Variants in SRC observed in about 807,000 individuals in gnomAD.
SRC encodes the protein proto-oncogene tyrosine-protein kinase Src.
Under a neutral mutation model 62.9 loss-of-function variants are expected in SRC, and 13 were observed. The ratio of observed to expected loss-of-function variants is 0.21; its 90% CI spans 0.13 to 0.33. SRC has a LOEUF of 0.33. Among genes scored for constraint, SRC ranks in the 10% least tolerant of loss-of-function variants. The pLI, the probability that SRC is intolerant of heterozygous loss-of-function variation, is 1.00. For missense variants in SRC, 457 were observed against 737.3 expected (o/e 0.62, Z 4.40); for synonymous variants, 302 against 317.5 (o/e 0.95, Z 0.52).
intron 5 of SRC, chr20:37,386,508 G>A: frequency 1.4e-6 from 1 of 712,960 alleles, no homozygotes; most frequent in Non-Finnish European, 2.6e-6. Context: ...CGGCGGGCTG[G>A]GCGGGGTGCT....
rs1332027803 is a variant in SRC at position 37,403,936 on chromosome 20, G to C, written c.*557G>C. The stretch of plus-strand genomic sequence containing the variant: ...TCCAGGCTGGGCAGCACAAGGCCTT[G>C]CCTGGCCTGATGATGGTGGGTGGGT... On this transcript the variant is annotated 3_prime_UTR_variant, in exon 14 of 14. Transcript: ENST00000373578. The surrounding 1 kb of genome is among the most constrained non-coding windows in gnomAD (Gnocchi z 7.1). 1 of 240,224 alleles carries C rather than the reference G, an allele frequency of 4.2e-6. No homozygotes were observed. Among genetic ancestry groups the C allele is most frequent in the African/African-American group, 2.2e-5 (1 of 45,450 alleles). The allele number at this position is 240,224 out of a possible 1,614,324, so 14.9% of individuals were successfully genotyped here.
chr20:37,366,471 TA>T (rs1218707489), intron 2 of SRC, among the ~76,000 whole-genome samples: 1 of 152,252 alleles, frequency 6.6e-6, no homozygotes, highest in Non-Finnish European at 1.5e-5. Flanking sequence ...CAGTCAAATT[TA>T]GAACATTTTC....
chr20:37,355,670 T>C (rs1037312080), intron 1 of SRC, among the ~76,000 whole-genome samples: 18 of 152,126 alleles, frequency 1.2e-4, no homozygotes, highest in African/African-American at 4.1e-4. Flanking sequence ...ATATGAACTA[T>C]GGCAACCCAG....
intron 7 of SRC, 95 bp downstream of exon 7, chr20:37,394,372 A>T: frequency 8.9e-7 from 1 of 1,129,928 alleles, no homozygotes; most frequent in East Asian, 2.4e-5. Context: ...TTTGTGGAGT[A>T]GGGAGGGAAG....
Position 37,401,511 on chromosome 20 carries a change from G to A in SRC, c.1040-91G>A, listed in dbSNP as rs911434832. On this transcript the variant is annotated intron_variant, in intron 10 of 13. Transcript: ENST00000373578. ...AAATCTGCTGTGCTGGTTAAAGCAA[G>A]GCCAGCCACCTGGGAGGATGGGTTT... The A allele has an allele frequency of 1.6e-5, 16 of 984,590 alleles. No homozygotes were observed. In the African/African-American group the frequency reaches 1.6e-4, roughly 10 times the overall value. 61.0% of individuals were successfully genotyped at this position (984,590 alleles called of 1,614,324 possible).
intron 2 of SRC, among the ~76,000 whole-genome samples, chr20:37,370,096 G>C (rs2070138359): frequency 6.6e-6 from 1 of 152,134 alleles, no homozygotes; most frequent in Admixed American, 6.5e-5. Context: ...CACCACACCC[G>C]GCCTAGCCGT....
At chr20:37,349,615 C>T (rs550104867) in intron 1 of SRC, among the ~76,000 whole-genome samples, 43 of 152,312 alleles carry the variant, frequency 2.8e-4, no homozygotes, top group African/African-American at 9.1e-4. Flanking sequence ...ACCTGCTTTG[C>T]GCTGTTGCAT....
rs1233661968 is a variant in SRC, at chr20:37,393,883, G to T, written c.351-12G>T. The T allele has an allele frequency of 6.2e-7, 1 of 1,607,862 alleles. No homozygotes were observed. The highest frequency in any genetic ancestry group is 2.2e-5 in the East Asian group (1 of 44,846). ...CCCTTCTCCTTTCCTCCCTCCTTCT[G>T]TCCCTGCTCAGAGAGGGAGACTGGT... On this transcript the variant is annotated splice_polypyrimidine_tract_variant and intron_variant, in intron 5 of 13. Coordinates refer to ENST00000373578, the MANE Select transcript of SRC (RefSeq NM_198291.3).
chr20:37,362,738 G>A (rs1479771553), intron 1 of SRC, among the ~76,000 whole-genome samples: 2 of 152,028 alleles, frequency 1.3e-5, no homozygotes, highest in Non-Finnish European at 2.9e-5. Flanking sequence ...GGGTGGGGTG[G>A]GGGGGTCTGC....
In SRC at chr20:37,386,235, G is replaced by GGGC. The variant is rs1429761316; in HGVS notation, c.350+62_350+64dup. The GGGC allele has an allele frequency of 1.0e-5, 15 of 1,493,128 alleles. No individual in the cohort carries two copies. The Admixed American group carries it at 2.5e-4, about 25-fold the overall frequency. The allele number at this position is 1,493,128 out of a possible 1,614,324, so 92.5% of individuals were successfully genotyped here. ...GGTGGTGGGACTTCAAAGCGGGCAG[G>GGGC]GGCTCATGCAGGATCTGGCATCAGG... is the stretch of plus-strand genomic sequence containing the variant. On this transcript the variant is annotated intron_variant, in intron 5 of 13. Transcript: ENST00000373578.
At chr20:37,357,452 A>G (rs1256077384) in intron 1 of SRC, among the ~76,000 whole-genome samples, 2 of 152,134 alleles carry the variant, frequency 1.3e-5, no homozygotes, top group Non-Finnish European at 2.9e-5. Flanking sequence ...TACTCACTCC[A>G]TGCTAGGCTG....
chr20:37,388,691 G>A (rs2070493627), intron 5 of SRC, among the ~76,000 whole-genome samples: 1 of 152,170 alleles, frequency 6.6e-6, no homozygotes, highest in Non-Finnish European at 1.5e-5. Flanking sequence ...AGGCTGCAGT[G>A]AGCCATGATC....
chr20:37,356,222 A>G (rs1190198306), intron 1 of SRC, among the ~76,000 whole-genome samples: 2 of 152,092 alleles, frequency 1.3e-5, no homozygotes, highest in East Asian at 3.9e-4. Flanking sequence ...AGAGCTTGAC[A>G]AAGGGCCTGA....
At position 37,397,781 on chromosome 20, in the gene SRC, C is replaced by T. The variant is rs1389557292; in HGVS notation, c.786C>T (p.Ala262=). The T allele has an allele frequency of 1.9e-6, 3 of 1,612,674 alleles. No homozygotes were observed. In the Admixed American group the frequency reaches 5.0e-5, roughly 27 times the overall value. ...AGACTCAGGGCCTGGCCAAGGATGC[C>T]TGGGAGATCCCTCGGGAGTCGCTGC... The part of the protein sequence containing the change: ...KPQTQGLAKD[A]WEIPRESLRL... Residue 262 remains alanine (A), a synonymous_variant, in exon 9 of 14, where the codon GCC becomes GCT. Transcript: ENST00000373578. This position sits in a 1 kb window ranked among gnomAD's most constrained non-coding sequence, Gnocchi z 4.1.
At chr20:37,353,219 C>A (rs1052162322) in intron 1 of SRC, among the ~76,000 whole-genome samples, 2 of 152,120 alleles carry the variant, frequency 1.3e-5, no homozygotes, top group African/African-American at 4.8e-5. Context: ...ACTGTGACCT[C>A]AAATCAGGGT....
At position 37,396,138 on chromosome 20, in the gene SRC, A is replaced by C. The variant is rs1601013905; in HGVS notation, c.554-24A>C. ...TGCGGGGGGAGAGGGCATGGCGGTC[A>C]CGGCTCCCCTCGGTGCCCCGCAGGT... On this transcript the variant is annotated intron_variant, in intron 7 of 13. Coordinates refer to ENST00000373578, the MANE Select transcript of SRC (RefSeq NM_198291.3). The surrounding 1 kb of genome is among the most constrained non-coding windows in gnomAD (Gnocchi z 6.1). The C allele has an allele frequency of 6.2e-7, 1 of 1,606,970 alleles. No individual in the cohort carries two copies. Among genetic ancestry groups the C allele is most frequent in the Non-Finnish European group, 8.5e-7 (1 of 1,178,268 alleles).
intron 1 of SRC, among the ~76,000 whole-genome samples, chr20:37,349,377 C>T (rs1467963992): frequency 1.3e-5 from 2 of 151,980 alleles, no homozygotes; most frequent in Non-Finnish European, 1.5e-5. Flanking sequence ...GGGGTCAGCC[C>T]GAGAGATGGG....
At position 37,397,114 on chromosome 20, in the gene SRC, T is replaced by A. The variant is rs2070665256; in HGVS notation, c.704-585T>A. 6.6e-6 allele frequency among the ~76,000 whole-genome samples: 1 copy of A among 152,058 alleles called. No individual in the cohort carries two copies. Among genetic ancestry groups the A allele is most frequent in the Non-Finnish European group, 1.5e-5 (1 of 67,990 alleles). On this transcript the variant is annotated intron_variant, in intron 8 of 13. Transcript: ENST00000373578. This position sits in a 1 kb window ranked among gnomAD's most constrained non-coding sequence, Gnocchi z 4.1. ...CCTGAGTGGTCTAATCCTAACTGCC[T>A]CCCCACCTCCGCCTGGTGCCACCCT...
At chr20:37,370,178 G>C (rs2070139757) in intron 2 of SRC, among the ~76,000 whole-genome samples, 1 of 152,190 alleles carries the variant, frequency 6.6e-6, no homozygotes, top group African/African-American at 2.4e-5. Context: ...AAGGAGTGTT[G>C]AATTTTGTCA....
Sources: allele counts gnomAD v4.1 joint callset (sites outside exome capture counted in the v4.1 genomes callset), GRCh38; gene constraint gnomAD v4.1.1; non-coding constraint Gnocchi (gnomAD v3.1); transcripts MANE v1.5; gene names NCBI Gene and HGNC (gene_info 2026-07-23, HGNC 2026-07-21).